DCC: variants seen among roughly 807,000 people sequenced by gnomAD.
The protein encoded by DCC is netrin receptor DCC.
Under a neutral mutation model 172.5 loss-of-function variants are expected in DCC, and 58 were observed. The observed-to-expected ratio is 0.34, with a 90% CI of 0.27 to 0.42. The LOEUF is 0.42. Among genes scored for constraint, DCC ranks in the 10% least tolerant of loss-of-function variants. The pLI is 1.00. For synonymous variants in DCC, 709 were observed against 644.5 expected (o/e 1.10, Z -1.52); for missense variants, 1,740 against 1,791.0 (o/e 0.97, Z 0.51).
At chr18:53,493,833 C>T (rs2045987446) in intron 26 of DCC, among the ~76,000 whole-genome samples, 1 of 151,790 alleles carries the variant, frequency 6.6e-6, no homozygotes, top group South Asian at 2.1e-4. Context: ...TCCTTCAGTT[C>T]TGCTCTGATC....
chr18:53,532,671 C>G lies in DCC; in HGVS notation c.*2018C>G, dbSNP rs148232640. On this transcript the variant is annotated 3_prime_UTR_variant, in exon 29 of 29. Transcript: ENST00000442544. ...CTAGGCCCTAAGAATTATTACCTCC[C>G]CTTTCTAATTCTAGCAAACATGGAA... The G allele has an allele frequency of 1.8e-4, 28 of 152,202 alleles. No homozygotes were observed. The highest frequency in any genetic ancestry group is 6.7e-4 in the African/African-American group (28 of 41,548). The allele number at this position is 152,202 out of a possible 1,614,324, so 9.4% of individuals were successfully genotyped here. A position where few individuals can be genotyped will look rare whatever the true frequency, so the allele number is the denominator to read the frequency against.
At chr18:53,096,029 C>T (rs780135346) in intron 7 of DCC, among the ~76,000 whole-genome samples, 6 of 151,954 alleles carry the variant, frequency 3.9e-5, no homozygotes, top group Non-Finnish European at 7.4e-5. Context: ...GGAGACATGA[C>T]AAGACCCTGA....
At chr18:53,086,279 CTTCTTCTTCTTCTTCTTCCT>C (rs1236482652) in intron 7 of DCC, among the ~76,000 whole-genome samples, 2 of 31,272 alleles carry the variant, frequency 6.4e-5, no homozygotes, top group East Asian at 4.8e-4. Flanking sequence ...TTCTTCCTTT[CTTCTTCTTCTTCTTCTTCCT>C]TTCTTCTTCT....
intron 8 of DCC, among the ~76,000 whole-genome samples, chr18:53,163,696 A>C (rs757502523): frequency 3.3e-5 from 5 of 152,336 alleles, no homozygotes; most frequent in South Asian, 2.1e-4. Context: ...CATATATTCC[A>C]AAACATGAAA....
At chr18:53,399,388 T>C (rs1024912949) in intron 18 of DCC, among the ~76,000 whole-genome samples, 20 of 152,118 alleles carry the variant, frequency 1.3e-4, no homozygotes, top group Admixed American at 1.1e-3. Context: ...AATTCCCAAC[T>C]GATATTGCTA....
intron 11 of DCC, among the ~76,000 whole-genome samples, chr18:53,212,958 C>T (rs2055781425): frequency 6.6e-6 from 1 of 152,132 alleles, no homozygotes; most frequent in Non-Finnish European, 1.5e-5. Context: ...AGGTGTGAGC[C>T]ACCATGCCCA....
intron 1 of DCC, among the ~76,000 whole-genome samples, chr18:52,659,044 C>G (rs1188093678): frequency 2.0e-5 from 3 of 152,082 alleles, no homozygotes; most frequent in Non-Finnish European, 4.4e-5. Flanking sequence ...TAATGTTGTT[C>G]TAGCCTGTGG....
At chr18:53,139,223 G>A (rs960403446) in intron 7 of DCC, among the ~76,000 whole-genome samples, 11 of 152,018 alleles carry the variant, frequency 7.2e-5, no homozygotes, top group African/African-American at 1.9e-4. Flanking sequence ...GACTTTTTCC[G>A]GACTAAGCCA....
At chr18:52,386,423 T>G (rs770194442) in intron 1 of DCC, among the ~76,000 whole-genome samples, 3 of 152,086 alleles carry the variant, frequency 2.0e-5, no homozygotes, top group Admixed American at 1.3e-4. Context: ...CTCATATTAG[T>G]TTTTCAATCA....
chr18:53,140,353 C>T (rs1300794568), intron 7 of DCC, among the ~76,000 whole-genome samples: 1 of 152,112 alleles, frequency 6.6e-6, no homozygotes, highest in Non-Finnish European at 1.5e-5. Context: ...AATTCTTTCG[C>T]AGAAATTATC....
intron 1 of DCC, among the ~76,000 whole-genome samples, chr18:52,745,751 G>C (rs1473105638): frequency 6.6e-6 from 1 of 152,164 alleles, no homozygotes; most frequent in African/African-American, 2.4e-5. Context: ...TCCTGTCTAA[G>C]GGGTGTAATT....
chr18:52,364,010 C>T (rs1984734254), intron 1 of DCC, among the ~76,000 whole-genome samples: 1 of 152,204 alleles, frequency 6.6e-6, no homozygotes, highest in Admixed American at 6.5e-5. Flanking sequence ...GCTTCTCTGG[C>T]CCCCTGAGAC....
intron 12 of DCC, among the ~76,000 whole-genome samples, chr18:53,222,881 G>A (rs1047305924): frequency 2.0e-5 from 3 of 152,000 alleles, no homozygotes; most frequent in African/African-American, 7.2e-5. Flanking sequence ...TAATGTCATT[G>A]TAACATTACA....
intron 1 of DCC, among the ~76,000 whole-genome samples, chr18:52,347,993 C>G (rs770287704): frequency 1.3e-5 from 2 of 152,004 alleles, no homozygotes; most frequent in Non-Finnish European, 2.9e-5. Flanking sequence ...TGTATTAACC[C>G]CTTGCCTTTT....
chr18:53,520,932 C>T (rs1161653746), intron 27 of DCC, among the ~76,000 whole-genome samples: 1 of 151,996 alleles, frequency 6.6e-6, no homozygotes, highest in Non-Finnish European at 1.5e-5. Flanking sequence ...CAGTCAAATC[C>T]TGCTGACAAT....
At chr18:53,295,779 C>T (rs2057059423) in intron 12 of DCC, among the ~76,000 whole-genome samples, 1 of 152,032 alleles carries the variant, frequency 6.6e-6, no homozygotes, top group South Asian at 2.1e-4. Flanking sequence ...TTTCAGAAAA[C>T]CTTATCCATG....
At position 52,602,579 on chromosome 18, in the gene DCC, C is replaced by A. The variant is rs578051142; in HGVS notation, c.92-149475C>A. ...TTTGTGCATAATATAAACAGTTAAACTCTTTCTTTAGTAATATGCCTTTAT... is the reference window on the plus strand; with the variant it reads ...TTTGTGCATAATATAAACAGTTAAAATCTTTCTTTAGTAATATGCCTTTAT... On this transcript the variant is annotated intron_variant, in intron 1 of 28. Coordinates refer to ENST00000442544, the MANE Select transcript of DCC (RefSeq NM_005215.4). Among the ~76,000 whole-genome samples the A allele has an allele frequency of 2.6e-5, 4 of 152,136 alleles. No homozygotes were observed. In the East Asian group the frequency reaches 5.8e-4, roughly 22 times the overall value.
intron 2 of DCC, among the ~76,000 whole-genome samples, chr18:52,866,863 C>G (rs539693480): frequency 6.6e-6 from 1 of 152,216 alleles, no homozygotes; most frequent in Non-Finnish European, 1.5e-5. Context: ...TATTTGAATA[C>G]CCTTTATTTT....
At chr18:53,101,742 T>C (rs2043174685) in intron 7 of DCC, among the ~76,000 whole-genome samples, 1 of 152,034 alleles carries the variant, frequency 6.6e-6, no homozygotes, top group Admixed American at 6.6e-5. Flanking sequence ...TTACTAGAGA[T>C]GCCATCAAGG....
Sources: gnomAD v4.1 joint callset for allele counts (sites outside exome capture counted in the v4.1 genomes callset) on GRCh38, gnomAD v4.1.1 for gene constraint, MANE v1.5 for transcripts, NCBI Gene and HGNC (gene_info 2026-07-23, HGNC 2026-07-21) for gene names.